Variants in BDNF observed in about 807,000 individuals in gnomAD.
BDNF encodes neurotrophic factor BDNF precursor form.
In BDNF, 1 loss-of-function variant was observed where a neutral mutation model predicts 19.5. The ratio of observed to expected loss-of-function variants is 0.05; its 90% CI spans 0.02 to 0.24. BDNF has a LOEUF of 0.24. BDNF is among the 10% of genes least tolerant of loss of function. BDNF has a pLI of 1.00. For missense variants in BDNF, 195 were observed against 317.6 expected (o/e 0.61, Z 2.93); for synonymous variants, 100 against 121.6 (o/e 0.82, Z 1.17).
intron 1 of BDNF, among the ~76,000 whole-genome samples, chr11:27,672,458 A>C (rs1855519581): frequency 6.6e-6 from 1 of 152,114 alleles, no homozygotes; most frequent in Non-Finnish European, 1.5e-5. Context: ...CTTAATGGTG[A>C]AATAGCAACA....
chr11:27,680,346 T>C (rs1007744492), intron 1 of BDNF, among the ~76,000 whole-genome samples: 21 of 152,166 alleles, frequency 1.4e-4, no homozygotes, highest in Admixed American at 2.6e-4. Context: ...TCAATAAAGA[T>C]CATATTTTGT....
intron 1 of BDNF, chr11:27,699,779 C>A: frequency 8.9e-7 from 1 of 1,127,792 alleles, no homozygotes. Context: ...CTAGCCCCAG[C>A]ACCCTCCCCT....
intron 1 of BDNF, among the ~76,000 whole-genome samples, chr11:27,661,294 T>C (rs1021638100): frequency 2.6e-5 from 4 of 152,226 alleles, no homozygotes; most frequent in African/African-American, 4.8e-5. Flanking sequence ...ATACTTTTTG[T>C]TGGAACAGTG....
At chr11:27,664,054 T>C (rs1373850625) in intron 1 of BDNF, among the ~76,000 whole-genome samples, 14 of 152,148 alleles carry the variant, frequency 9.2e-5, no homozygotes, top group Admixed American at 7.2e-4. Context: ...AAGTCTTGTT[T>C]GTTCCCAGCC....
upstream of BDNF, among the ~76,000 whole-genome samples, chr11:27,701,920 G>A (rs1421540230): frequency 6.6e-6 from 1 of 152,098 alleles, no homozygotes; most frequent in Non-Finnish European, 1.5e-5. Flanking sequence ...GTGGGGGTAG[G>A]TGATTCGAGG....
upstream of BDNF, chr11:27,700,520 GCCCCC>G (rs67192910): frequency 4.1e-6 from 3 of 735,960 alleles, no homozygotes; most frequent in Admixed American, 9.5e-5. Flanking sequence ...AAACGGCGCC[GCCCCC>G]CCCCCCCCGC....
At chr11:27,664,514 C>A (rs1354628881) in intron 1 of BDNF, among the ~76,000 whole-genome samples, 1 of 152,070 alleles carries the variant, frequency 6.6e-6, no homozygotes, top group Non-Finnish European at 1.5e-5. Flanking sequence ...TGCAGTGGCT[C>A]ACATTTGTAA....
intron 1 of BDNF, chr11:27,691,207 A>G (rs941306748): frequency 1.3e-5 from 2 of 152,328 alleles, no homozygotes; most frequent in African/African-American, 2.4e-5. Flanking sequence ...AAGTTCTGAA[A>G]TAACTCAGAG....
chr11:27,716,457 A>ACG (rs1860518727), intron 1 of BDNF, among the ~76,000 whole-genome samples: 1 of 4,468 alleles, frequency 2.2e-4, no homozygotes, highest in African/African-American at 3.9e-4. Flanking sequence ...ACACACACAG[A>ACG]CACACACACA....
rs1313954563 is a variant in BDNF at position 27,660,331 on chromosome 11, T to A, written c.-21-1746A>T. The A allele has an allele frequency of 4.6e-6, 3 of 651,562 alleles. No individual in the cohort carries two copies. In the Admixed American group the frequency reaches 9.8e-5, roughly 21 times the overall value. The allele number at this position is 651,562 out of a possible 1,614,324, so 40.4% of individuals were successfully genotyped here. ...TCTCACTTTGCACGAATAGCAAACA[T>A]GCTTAGAACTGCTTAGATTGCACAA... On this transcript the variant is annotated intron_variant, in intron 1 of 1. Transcript: ENST00000356660.
intron 1 of BDNF, among the ~76,000 whole-genome samples, chr11:27,694,139 C>T (rs1177246786): frequency 6.6e-6 from 1 of 152,222 alleles, no homozygotes; most frequent in Non-Finnish European, 1.5e-5. Context: ...AGCACAGTCG[C>T]TGGCATCTCC....
intron 1 of BDNF, among the ~76,000 whole-genome samples, chr11:27,710,050 T>G (rs1860264293): frequency 6.6e-6 from 1 of 152,236 alleles, no homozygotes; most frequent in Non-Finnish European, 1.5e-5. Context: ...TTAGGTGGAC[T>G]TTTTCATACA....
chr11:27,699,605 T>C lies in BDNF; in HGVS notation c.-22+559A>G, dbSNP rs1859648357. The C allele has an allele frequency of 4.8e-6, 7 of 1,468,174 alleles. No homozygotes were observed. The Admixed American group carries it at 1.7e-4, about 35-fold the overall frequency. The allele number at this position is 1,468,174 out of a possible 1,614,324, so 90.9% of individuals were successfully genotyped here. On this transcript the variant is annotated intron_variant, in intron 1 of 1. Coordinates refer to ENST00000356660, the MANE Select transcript of BDNF (RefSeq NM_001709.5). ...ATTCCGCCTCCCAAGTTTTCCAAGCTACATTGGCTTCGGACTTGTAAGTCC... is the reference window on the plus strand; with the variant it reads ...ATTCCGCCTCCCAAGTTTTCCAAGCCACATTGGCTTCGGACTTGTAAGTCC...
At chr11:27,669,169 T>C (rs1854894508) in intron 1 of BDNF, among the ~76,000 whole-genome samples, 1 of 152,174 alleles carries the variant, frequency 6.6e-6, no homozygotes, top group South Asian at 2.1e-4. Context: ...CATGATTATC[T>C]CAATAGATGC....
At position 27,691,409 on chromosome 11, in the gene BDNF, C is replaced by T. The variant is rs973516832; in HGVS notation, c.-22+8755G>A. 7.9e-5 allele frequency among the ~76,000 whole-genome samples: 12 copies of T among 152,166 alleles called. No individual in the cohort carries two copies. In the South Asian group the frequency reaches 1.5e-3, roughly 18 times the overall value. ...ACTCACTGGGCACTCAATTAATGCA[C>T]GGTGAATTAACAAATGAATTAATGA... On this transcript the variant is annotated intron_variant, in intron 1 of 1. Coordinates refer to ENST00000356660, the MANE Select transcript of BDNF (RefSeq NM_001709.5).
intron 1 of BDNF, among the ~76,000 whole-genome samples, chr11:27,678,301 AC>A (rs1402882000): frequency 3.9e-5 from 6 of 152,212 alleles, no homozygotes; most frequent in Admixed American, 1.3e-4. Context: ...GAAACACAAC[AC>A]AACCCTGAGG....
At chr11:27,719,323 G>A (rs1860656321) in intron 1 of BDNF, among the ~76,000 whole-genome samples, 1 of 152,218 alleles carries the variant, frequency 6.6e-6, no homozygotes, top group Non-Finnish European at 1.5e-5. Flanking sequence ...CTGGCAGGGC[G>A]GTCTGCGCGT....
rs761281403 is a variant in BDNF, at chr11:27,657,820, A to G, written c.*1T>C. The G allele has an allele frequency of 1.1e-5, 17 of 1,613,016 alleles. No homozygotes were observed. Among genetic ancestry groups the G allele is most frequent in the South Asian group, 4.4e-5 (4 of 91,066 alleles). ...AATCTAATCTATACAACATAAATCC[A>G]CTATCTTCCCCTTTTAATGGTCAAT... On this transcript the variant is annotated 3_prime_UTR_variant, in exon 2 of 2. Coordinates refer to ENST00000356660, the MANE Select transcript of BDNF (RefSeq NM_001709.5). This position sits in a 1 kb window ranked among gnomAD's most constrained non-coding sequence, Gnocchi z 5.0.
intron 1 of BDNF, among the ~76,000 whole-genome samples, chr11:27,663,579 G>A (rs2133827791): frequency 6.6e-6 from 1 of 152,282 alleles, no homozygotes; most frequent in South Asian, 2.1e-4. Context: ...TTTACAAGGA[G>A]ACAGGATGGG....
Sources: gnomAD v4.1 joint callset for allele counts (sites outside exome capture counted in the v4.1 genomes callset) on GRCh38, gnomAD v4.1.1 for gene constraint, Gnocchi (gnomAD v3.1) non-coding constraint, MANE v1.5 for transcripts, NCBI Gene and HGNC (gene_info 2026-07-23, HGNC 2026-07-21) for gene names.